Variants in ZNF248 observed in about 807,000 individuals in gnomAD.
ZNF248 encodes zinc finger protein 248.
In ZNF248, 20 loss-of-function variants were observed where a neutral mutation model predicts 44.3. The observed-to-expected ratio is 0.45, with a 90% CI of 0.32 to 0.66. ZNF248 has a LOEUF of 0.66. Ranked by LOEUF, ZNF248 falls within the 30% of genes least tolerant of loss-of-function variation. The pLI is 0.04. For missense variants in ZNF248, 654 were observed against 677.0 expected, an observed-to-expected ratio of 0.97 and a Z score of 0.38; for synonymous variants, 224 against 229.0, an observed-to-expected ratio of 0.98 and a Z score of 0.20.
At chr10:37,782,047 A>G (rs1405208861) in intron 6 of ZNF248, among the ~76,000 whole-genome samples, 2 of 152,352 alleles carry the variant, frequency 1.3e-5, no homozygotes, top group East Asian at 1.9e-4. Flanking sequence ...TCAGTTACAG[A>G]CACTTGAGTA....
chr10:37,839,043 C>T (rs144795696), intron 3 of ZNF248, among the ~76,000 whole-genome samples: 1,806 of 152,224 alleles, frequency 0.012, 18 homozygotes, highest in Non-Finnish European at 0.016. Context: ...CTGATAAGAA[C>T]GGCTCACTAA....
At chr10:37,781,836 C>G (rs1484176593) in intron 6 of ZNF248, among the ~76,000 whole-genome samples, 2 of 152,190 alleles carry the variant, frequency 1.3e-5, no homozygotes, top group Non-Finnish European at 2.9e-5. Context: ...ACTCCTGTCT[C>G]TACCAACTCT....
intron 6 of ZNF248, among the ~76,000 whole-genome samples, chr10:37,777,948 G>C (rs1479306467): frequency 1.3e-5 from 2 of 151,844 alleles, no homozygotes; most frequent in Non-Finnish European, 2.9e-5. Context: ...TTGGACATTT[G>C]GGTTGGTTCC....
intron 3 of ZNF248, among the ~76,000 whole-genome samples, chr10:37,839,935 A>G (rs2058028405): frequency 6.6e-6 from 1 of 152,224 alleles, no homozygotes; most frequent in Admixed American, 6.5e-5. Context: ...TGGGCCATAA[A>G]ACACACCTTA....
intron 6 of ZNF248, among the ~76,000 whole-genome samples, chr10:37,811,510 G>A (rs11523837): frequency 0.12 from 18,008 of 151,730 alleles, 1,163 homozygotes; most frequent in Admixed American, 0.19. Flanking sequence ...AGCAAAGAAC[G>A]GCTTGATAGT....
In ZNF248 at chr10:37,829,560, T is replaced by TA. The variant is rs2055060170; in HGVS notation, c.*2054dup. 1.0e-6 allele frequency: 1 copy of TA among 985,252 alleles called. No homozygotes were observed. Among genetic ancestry groups the TA allele is most frequent in the Non-Finnish European group, 1.2e-6 (1 of 829,900 alleles). The allele number at this position is 985,252 out of a possible 1,614,324, so 61.0% of individuals were successfully genotyped here. A position where few individuals can be genotyped will look rare whatever the true frequency, so the allele number is the denominator to read the frequency against. On this transcript the variant is annotated 3_prime_UTR_variant, in exon 6 of 6. Transcript: ENST00000395867. ...AGTATCAGACAGCCCTAAGACCAAATAAAAAACAGTTATTGAGGGTTATAA... is the reference window on the plus strand; with the variant it reads ...AGTATCAGACAGCCCTAAGACCAAATAAAAAAACAGTTATTGAGGGTTATAA...
intron 6 of ZNF248, among the ~76,000 whole-genome samples, chr10:37,785,294 C>G (rs1044465161): frequency 1.3e-5 from 2 of 152,214 alleles, no homozygotes; most frequent in Non-Finnish European, 2.9e-5. Context: ...AAAGCAGCTC[C>G]TGTGTACTAC....
chr10:37,808,932 T>C (rs575942151), intron 6 of ZNF248, among the ~76,000 whole-genome samples: 1 of 152,184 alleles, frequency 6.6e-6, no homozygotes, highest in Non-Finnish European at 1.5e-5. Flanking sequence ...AATTTTCTAT[T>C]TCTTCATGAG....
chr10:37,765,815 C>T, the ZNF248 span, among the ~76,000 whole-genome samples: 3 of 152,352 alleles, frequency 2.0e-5, no homozygotes, highest in East Asian at 1.9e-4. Flanking sequence ...GAGGCATTGC[C>T]TCACTCAAGA....
chr10:37,851,768 CAAAAAAAAA>C (rs57501241), intron 3 of ZNF248, among the ~76,000 whole-genome samples: 9 of 32,058 alleles, frequency 2.8e-4, no homozygotes, highest in South Asian at 3.1e-3. Context: ...TCAGAATGAC[CAAAAAAAAA>C]AAAAAAAAAA....
In ZNF248 at chr10:37,830,451, G is replaced by C; in HGVS notation, c.*1164C>G. 1.0e-6 allele frequency: 1 copy of C among 985,394 alleles called. No homozygotes were observed. The highest frequency in any genetic ancestry group is 1.2e-6 in the Non-Finnish European group (1 of 829,924). The allele number at this position is 985,394 out of a possible 1,614,324, so 61.0% of individuals were successfully genotyped here. On this transcript the variant is annotated 3_prime_UTR_variant, in exon 6 of 6. Coordinates refer to ENST00000395867, the MANE Select transcript of ZNF248 (RefSeq NM_021045.3). ...TACAAAGAGACTCCGGTAGTATTTA[G>C]AGTAGGACAGATTCAGAGGTAGTTA...
the ZNF248 span, among the ~76,000 whole-genome samples, chr10:37,759,877 T>TG: frequency 3.9e-5 from 6 of 152,186 alleles, no homozygotes; most frequent in Non-Finnish European, 7.4e-5. Flanking sequence ...CAGATGAGGC[T>TG]TCCATTTGCT....
intron 3 of ZNF248, among the ~76,000 whole-genome samples, chr10:37,845,836 A>G (rs1026329807): frequency 2.6e-5 from 4 of 152,188 alleles, no homozygotes; most frequent in Non-Finnish European, 5.9e-5. Context: ...TGCTCCCTGT[A>G]ACTTCTAGGA....
Position 37,856,438 on chromosome 10 carries a change from T to A in ZNF248, c.-31A>T, listed in dbSNP as rs954179485. The A allele has an allele frequency of 5.4e-6, 8 of 1,470,152 alleles. No homozygotes were observed. The highest frequency in any genetic ancestry group is 7.2e-6 in the Non-Finnish European group (8 of 1,106,750). 91.1% of individuals were successfully genotyped at this position (1,470,152 alleles called of 1,614,324 possible). ...GGTCCACACACAAGATACTTACGTGTCCATGTGTGGCTCCGATATATGCTG... is the reference window on the plus strand; with the variant it reads ...GGTCCACACACAAGATACTTACGTGACCATGTGTGGCTCCGATATATGCTG... On this transcript the variant is annotated 5_prime_UTR_variant, in exon 2 of 6. Transcript: ENST00000395867.
At chr10:37,820,568 C>T (rs1306224521) in intron 6 of ZNF248, 2 of 1,601,420 alleles carry the variant, frequency 1.2e-6, no homozygotes, top group Non-Finnish European at 1.7e-6. Context: ...TGGCCCGCTT[C>T]CCCCAGCAAA....
At chr10:37,776,432 T>C (rs1000226652), downstream of ZNF248, 250 of 394,124 alleles carry the variant, frequency 6.3e-4, 1 homozygote, top group East Asian at 8.9e-3. Context: ...CTCTGCCCTT[T>C]CTGGCAGTTT....
intron 3 of ZNF248, among the ~76,000 whole-genome samples, chr10:37,840,210 C>T (rs2058085474): frequency 6.6e-6 from 1 of 152,128 alleles, no homozygotes; most frequent in Non-Finnish European, 1.5e-5. Flanking sequence ...ATGTTTTGCT[C>T]TGCAAAAGAT....
chr10:37,820,475 A>G, intron 6 of ZNF248: 1 of 1,596,344 alleles, frequency 6.3e-7, no homozygotes, highest in Admixed American at 1.7e-5. Context: ...GGGCTGTTCT[A>G]CTTGTCACAG....
intron 6 of ZNF248, among the ~76,000 whole-genome samples, chr10:37,792,778 G>A (rs955037239): frequency 6.6e-6 from 1 of 152,114 alleles, no homozygotes; most frequent in South Asian, 2.1e-4. Context: ...AGTATTCTTC[G>A]TAAGTGCCAG....
Sources: allele counts gnomAD v4.1 joint callset (sites outside exome capture counted in the v4.1 genomes callset), GRCh38; gene constraint gnomAD v4.1.1; transcripts MANE v1.5; gene names NCBI Gene and HGNC (gene_info 2026-07-23, HGNC 2026-07-21).